HEATR3: variants seen among roughly 807,000 people sequenced by gnomAD.
HEATR3 encodes HEAT repeat containing 3, also known as HEAT repeat-containing protein 3.
HEATR3 carries 56 observed loss-of-function variants against 72.8 expected under a neutral mutation model. The ratio of observed to expected loss-of-function variants is 0.77; its 90% confidence interval spans 0.62 to 0.96. The LOEUF is 0.96. Ranked by LOEUF, HEATR3 falls within the 40% of genes least tolerant of loss-of-function variation. The pLI is 0.00. For synonymous variants in HEATR3, 331 were observed against 318.1 expected (o/e 1.04, Z -0.43); for missense variants, 747 against 831.4 (o/e 0.90, Z 1.25).
chr16:50,096,769 A>G (rs1271520749), intron 12 of HEATR3, among the ~76,000 whole-genome samples: 1 of 152,246 alleles, frequency 6.6e-6, no homozygotes, highest in Non-Finnish European at 1.5e-5. Flanking sequence ...ACTGCACTCC[A>G]GCCTGGGCGA....
intron 14 of HEATR3, 107 bp downstream of exon 14, chr16:50,102,542 C>G: frequency 1.1e-6 from 1 of 906,568 alleles, no homozygotes; most frequent in South Asian, 1.7e-5. Flanking sequence ...TGACGAATCC[C>G]CATATGTAGC....
intron 5 of HEATR3, 82 bp from the exon 6 acceptor site, chr16:50,075,489 T>C: frequency 7.9e-7 from 1 of 1,273,336 alleles, no homozygotes; most frequent in Non-Finnish European, 1.1e-6. Context: ...AATGATACAA[T>C]GTTTTATTGA....
intron 2 of HEATR3, chr16:50,066,982 G>A (rs2036512309): frequency 6.2e-6 from 1 of 161,942 alleles, no homozygotes; most frequent in African/African-American, 2.4e-5. Flanking sequence ...CTAGTAAAAA[G>A]GTAAAACATA....
At chr16:50,075,537 A>G (rs2036705840) in intron 5 of HEATR3, 34 bp from the exon 6 acceptor site, 1 of 1,583,812 alleles carries the variant, frequency 6.3e-7, no homozygotes, top group African/African-American at 1.3e-5. Context: ...AGCAGAATTC[A>G]TTTGTTTCTA....
At position 50,075,609 on chromosome 16, in the gene HEATR3, C is replaced by G. The variant is rs1157440120; in HGVS notation, c.661C>G (p.Leu221Val). The change falls in exon 6 of 15, where the codon CTG becomes GTG. Residue 221 changes from leucine to valine, a missense_variant. Around this residue, in one of 2 missense-constraint regions of HEATR3, gnomAD observed 586 missense variants for 708.8 expected, o/e 0.83. Coordinates refer to ENST00000299192, the MANE Select transcript of HEATR3 (RefSeq NM_182922.4). ...GACAGTGACTGAGGATAACCCAGAG[C>G]TGCTGAAGTCTTTCAGTGCTACAGC... The part of the protein sequence containing the change: ...LQTVTEDNPE[L>V]LKSFSATALN... 1 of 1,613,530 alleles carries G rather than the reference C, an allele frequency of 6.2e-7. No individual in the cohort carries two copies. The highest frequency in any genetic ancestry group is 1.7e-5 in the Admixed American group (1 of 60,018).
In HEATR3 at chr16:50,102,408, A is replaced by G; in HGVS notation, c.1893A>G (p.Lys631=). The G allele has an allele frequency of 6.2e-7, 1 of 1,613,914 alleles. No homozygotes were observed. The highest frequency in any genetic ancestry group is 8.5e-7 in the Non-Finnish European group (1 of 1,179,970). ...AAATTAAATTATTATCTGCTCTGAA[A>G]GAATTCCAGCCGGTCTTTAAAATGA... The part of the protein sequence containing the change: ...SIQIKLLSAL[K]EFQPVFKMKI... The change falls in exon 14 of 15, where the codon AAA becomes AAG. Residue 631 remains lysine (K), a synonymous_variant. Transcript: ENST00000299192.
intron 12 of HEATR3, among the ~76,000 whole-genome samples, chr16:50,095,972 C>CT (rs2037225795): frequency 6.6e-6 from 1 of 152,140 alleles, no homozygotes; most frequent in Admixed American, 6.5e-5. Flanking sequence ...GGTTTGCACT[C>CT]TGAGTTCAGT....
intron 12 of HEATR3, among the ~76,000 whole-genome samples, chr16:50,095,657 A>G (rs891960797): frequency 3.9e-5 from 6 of 151,950 alleles, no homozygotes; most frequent in Non-Finnish European, 4.4e-5. Context: ...CCTCCCAAGT[A>G]GCTGGGATTA....
chr16:50,104,880 T>C, intron 14 of HEATR3, 59 bp from the exon 15 acceptor site: 2 of 1,437,852 alleles, frequency 1.4e-6, no homozygotes, highest in Non-Finnish European at 1.9e-6. Context: ...AAATACTTTA[T>C]TTAAATGAAT....
chr16:50,099,063 G>A (rs758396118), intron 12 of HEATR3, among the ~76,000 whole-genome samples: 6 of 151,870 alleles, frequency 4.0e-5, no homozygotes, highest in Non-Finnish European at 8.8e-5. Flanking sequence ...TTAAACTCCT[G>A]CTCTCGAGTG....
At chr16:50,080,910 C>T (rs1333562513) in intron 7 of HEATR3, among the ~76,000 whole-genome samples, 1 of 152,126 alleles carries the variant, frequency 6.6e-6, no homozygotes, top group Admixed American at 6.5e-5. Flanking sequence ...AAATCCCTTG[C>T]TGGGAATGAG....
intron 11 of HEATR3, among the ~76,000 whole-genome samples, chr16:50,089,931 C>CCCCA (rs2037072280): frequency 6.6e-6 from 1 of 152,150 alleles, no homozygotes; most frequent in Non-Finnish European, 1.5e-5. Context: ...TCCCAAAGTG[C>CCCCA]TGGGATTACA....
chr16:50,094,537 G>C (rs2037188481), intron 11 of HEATR3, among the ~76,000 whole-genome samples, 168 bp from the exon 12 acceptor site: 2 of 152,086 alleles, frequency 1.3e-5, no homozygotes, highest in South Asian at 4.1e-4. Context: ...TGTACAGGGG[G>C]CTGTTAACTA....
At chr16:50,073,891 A>G (rs960752378) in intron 5 of HEATR3, 1 of 152,198 alleles carries the variant, frequency 6.6e-6, no homozygotes, top group East Asian at 1.9e-4. Context: ...ATACATTATT[A>G]CTTTTGCTTC....
chr16:50,102,462 CA>C, intron 14 of HEATR3, 27 bp downstream of exon 14: 1 of 1,598,134 alleles, frequency 6.3e-7, no homozygotes, highest in Non-Finnish European at 8.6e-7. Context: ...CTTATAAATA[CA>C]TAAGTCTGAA....
chr16:50,091,327 C>T (rs941556684), intron 11 of HEATR3, among the ~76,000 whole-genome samples: 1 of 150,354 alleles, frequency 6.7e-6, no homozygotes, highest in African/African-American at 2.5e-5. Flanking sequence ...ATTAGCCGGG[C>T]GTAATGGTGC....
chr16:50,083,289 A>G (rs556432732), intron 7 of HEATR3, among the ~76,000 whole-genome samples: 31 of 152,284 alleles, frequency 2.0e-4, no homozygotes, highest in Middle Eastern at 3.4e-3. Flanking sequence ...ATAAATTTAT[A>G]TTACCCATTT....
chr16:50,105,451 GACCCTGTCTCC>G lies in HEATR3; in HGVS notation c.*392_*402del, dbSNP rs2037464150. On this transcript the variant is annotated 3_prime_UTR_variant, in exon 15 of 15. Coordinates refer to ENST00000299192, the MANE Select transcript of HEATR3 (RefSeq NM_182922.4). ...CACTCCAGCCTGGGTGACAGAGGGA[GACCCTGTCTCC>G]AAAAAAAAAAAAAAAAAAAAACTTC... 8.7e-6 allele frequency: 1 copy of G among 114,822 alleles called. No homozygotes were observed. Among genetic ancestry groups the G allele is most frequent in the African/African-American group, 3.7e-5 (1 of 27,334 alleles). The allele number at this position is 114,822 out of a possible 1,614,324, so 7.1% of individuals were successfully genotyped here.
chr16:50,084,921 A>G (rs1446902736), intron 10 of HEATR3, among the ~76,000 whole-genome samples: 1 of 152,172 alleles, frequency 6.6e-6, no homozygotes, highest in Non-Finnish European at 1.5e-5. Context: ...CACGCAGTAC[A>G]ATACATGCAG....
Sources: allele counts gnomAD v4.1 joint callset (sites outside exome capture counted in the v4.1 genomes callset), GRCh38; gene constraint gnomAD v4.1.1; regional missense constraint gnomAD v4.1.1; transcripts MANE v1.5; gene names NCBI Gene and HGNC (gene_info 2026-07-23, HGNC 2026-07-21).